Variants in MOXD1 observed in about 807,000 individuals in gnomAD.
MOXD1 encodes the protein DBH-like monooxygenase protein 1.
In MOXD1, 62 loss-of-function variants were observed where a neutral mutation model predicts 66.6. The observed-to-expected ratio is 0.93, with a 90% CI of 0.76 to 1.15. The LOEUF is 1.15. Among genes scored for constraint, MOXD1 ranks in the 50% most tolerant of loss-of-function variants. The pLI is 0.00. For synonymous variants in MOXD1, 303 were observed against 281.9 expected (o/e 1.07, Z -0.75); for missense variants, 847 against 754.6 (o/e 1.12, Z -1.44).
chr6:132,360,626 T>G (rs1323989189), intron 4 of MOXD1, among the ~76,000 whole-genome samples: 2 of 152,338 alleles, frequency 1.3e-5, no homozygotes, highest in East Asian at 3.9e-4. Context: ...TTACTGCCAC[T>G]ATCACATAGC....
chr6:132,356,885 A>C (rs1270544247), intron 4 of MOXD1, among the ~76,000 whole-genome samples: 1 of 152,116 alleles, frequency 6.6e-6, no homozygotes, highest in Non-Finnish European at 1.5e-5. Flanking sequence ...ATCTGTTAGC[A>C]TTAGTCACCT....
At chr6:132,343,066 C>T (rs1187958985) in intron 4 of MOXD1, among the ~76,000 whole-genome samples, 1 of 152,054 alleles carries the variant, frequency 6.6e-6, no homozygotes, top group African/African-American at 2.4e-5. Context: ...TTTATGTGAC[C>T]CATCCTCCTA....
chr6:132,344,905 C>T (rs573709531), intron 4 of MOXD1, among the ~76,000 whole-genome samples: 74 of 152,260 alleles, frequency 4.9e-4, no homozygotes, highest in African/African-American at 1.7e-3. Flanking sequence ...GCTGACTCTT[C>T]AGTTGTCCAA....
Position 132,328,398 on chromosome 6 carries a change from G to A in MOXD1, c.843+17C>T. ...GATCAGTTAATTGTGTTACATCTCAGTAATCATTAGCCCCACCTCTCCACC... is the reference window on the plus strand; with the variant it reads ...GATCAGTTAATTGTGTTACATCTCAATAATCATTAGCCCCACCTCTCCACC... On this transcript the variant is annotated intron_variant, in intron 5 of 11. Coordinates refer to ENST00000367963, the MANE Select transcript of MOXD1 (RefSeq NM_015529.4). 6.2e-7 allele frequency: 1 copy of A among 1,613,120 alleles called. No individual in the cohort carries two copies. The highest frequency in any genetic ancestry group is 8.5e-7 in the Non-Finnish European group (1 of 1,179,408).
At chr6:132,315,520 A>G in intron 10 of MOXD1, 115 bp downstream of exon 10, 1 of 1,222,662 alleles carries the variant, frequency 8.2e-7, no homozygotes, top group Non-Finnish European at 1.1e-6. Context: ...AAGTAATCAA[A>G]TAGAACAAAC....
At chr6:132,351,512 T>C (rs993008136) in intron 4 of MOXD1, among the ~76,000 whole-genome samples, 2 of 152,138 alleles carry the variant, frequency 1.3e-5, no homozygotes, top group African/African-American at 2.4e-5. Context: ...TGGTAGATTA[T>C]CTTTTTGATA....
chr6:132,343,510 G>T (rs1324255762), intron 4 of MOXD1, among the ~76,000 whole-genome samples: 1 of 152,098 alleles, frequency 6.6e-6, no homozygotes, highest in Admixed American at 6.6e-5. Context: ...AGAAGGCAGA[G>T]GTTGCAGTGA....
intron 10 of MOXD1, among the ~76,000 whole-genome samples, chr6:132,304,940 A>G (rs2114533975): frequency 6.6e-6 from 1 of 152,330 alleles, no homozygotes; most frequent in Admixed American, 6.5e-5. Flanking sequence ...TTGAGAGTCT[A>G]TGGAGTAAAC....
intron 1 of MOXD1, among the ~76,000 whole-genome samples, chr6:132,380,097 T>C (rs1466026313): frequency 1.3e-5 from 2 of 152,164 alleles, no homozygotes; most frequent in East Asian, 3.9e-4. Context: ...TCTCCACACA[T>C]AGCCCCTGCT....
intron 4 of MOXD1, among the ~76,000 whole-genome samples, chr6:132,358,478 G>T (rs1456074590): frequency 6.6e-6 from 1 of 152,292 alleles, no homozygotes; most frequent in East Asian, 1.9e-4. Flanking sequence ...AGTAAGTAAA[G>T]CACAGTGTTT....
Position 132,401,311 on chromosome 6 carries a change from A to G in MOXD1, c.116T>C (p.Leu39Pro). 6.3e-7 allele frequency: 1 copy of G among 1,595,306 alleles called. No individual in the cohort carries two copies. Among genetic ancestry groups the G allele is most frequent in the East Asian group, 2.3e-5 (1 of 43,940 alleles). ...TLLDSEGKYW[L>P]GWSQRGSQIA... ...CTGGCTGCCCCGCTGGCTCCAGCCC[A>G]GCCAGTACTTGCCCTCCGAGTCCAG... Residue 39 changes from leucine (L) to proline (P), a missense_variant, in exon 1 of 12, where the codon CTG (leucine) becomes CCG (proline). Transcript: ENST00000367963.
At chr6:132,380,238 T>C (rs1315335277) in intron 1 of MOXD1, among the ~76,000 whole-genome samples, 1 of 152,220 alleles carries the variant, frequency 6.6e-6, no homozygotes, top group East Asian at 1.9e-4. Context: ...CAGTGTGTCA[T>C]TGCATTTTAT....
intron 10 of MOXD1, among the ~76,000 whole-genome samples, chr6:132,313,008 G>C (rs1333827082): frequency 6.6e-6 from 1 of 151,996 alleles, no homozygotes; most frequent in African/African-American, 2.4e-5. Flanking sequence ...TGAAAACCAA[G>C]ACTACATCCT....
chr6:132,339,653 C>G (rs957246393), intron 4 of MOXD1, among the ~76,000 whole-genome samples: 3 of 152,170 alleles, frequency 2.0e-5, no homozygotes, highest in African/African-American at 7.2e-5. Context: ...CTTATGTAAT[C>G]CCATCCTTGA....
intron 4 of MOXD1, among the ~76,000 whole-genome samples, chr6:132,357,110 C>T (rs1775923851): frequency 6.6e-6 from 1 of 152,012 alleles, no homozygotes; most frequent in South Asian, 2.1e-4. Context: ...GTTGTGACCT[C>T]TTTGCAAGAT....
intron 4 of MOXD1, among the ~76,000 whole-genome samples, chr6:132,349,422 CATATATATATATACATAT>C (rs1562289935): frequency 5.1e-3 from 187 of 36,454 alleles, no homozygotes; most frequent in South Asian, 0.011. Context: ...TATATATATA[CATATATATATATACATAT>C]ATATATATAT....
At chr6:132,326,767 C>T (rs545049298) in intron 6 of MOXD1, among the ~76,000 whole-genome samples, 1 of 152,232 alleles carries the variant, frequency 6.6e-6, no homozygotes, top group Non-Finnish European at 1.5e-5. Flanking sequence ...CAGAGAGAAA[C>T]TATTTCCTAT....
In MOXD1 at chr6:132,297,195, G is replaced by GCAAA. The variant is rs1262483280; in HGVS notation, c.1796_1799dup (p.Leu602ProfsTer28). On this transcript the variant is annotated frameshift_variant, in exon 12 of 12. Transcript: ENST00000367963. LOFTEE classifies it low-confidence loss of function (END_TRUNC). ...TCAGCGTGCAGCTGAGTAGCAGAAGGCAAACAAGCAAGTTGATGGAGAAAT... is the reference window on the plus strand; with the variant it reads ...TCAGCGTGCAGCTGAGTAGCAGAAGGCAAACAAACAAGCAAGTTGATGGAGAAAT... The GCAAA allele has an allele frequency of 6.2e-7, 1 of 1,613,446 alleles. No individual in the cohort carries two copies. The highest frequency in any genetic ancestry group is 1.3e-5 in the African/African-American group (1 of 74,902).
At chr6:132,301,355 G>A (rs1336510927) in intron 10 of MOXD1, among the ~76,000 whole-genome samples, 1 of 151,832 alleles carries the variant, frequency 6.6e-6, no homozygotes, top group East Asian at 1.9e-4. Flanking sequence ...AATACACCAT[G>A]GTAGAGTAAT....
Sources: allele counts gnomAD v4.1 joint callset (sites outside exome capture counted in the v4.1 genomes callset), GRCh38; gene constraint gnomAD v4.1.1; transcripts MANE v1.5; gene names NCBI Gene and HGNC (gene_info 2026-07-23, HGNC 2026-07-21).